PIK3C2G: variants seen among roughly 807,000 people sequenced by gnomAD.
PIK3C2G encodes phosphatidylinositol-4-phosphate 3-kinase catalytic subunit type 2 gamma.
In PIK3C2G, 168 loss-of-function variants were observed where a neutral mutation model predicts 181.1. That is an observed-to-expected ratio of 0.93 (90% CI 0.82 to 1.05). PIK3C2G has a LOEUF of 1.05. Among genes scored for constraint, PIK3C2G ranks in the 50% least tolerant of loss-of-function variants. The pLI is 0.00. For missense variants in PIK3C2G, 1,869 were observed against 1,732.8 expected (o/e 1.08, Z -1.40); for synonymous variants, 573 against 592.2 (o/e 0.97, Z 0.47).
At chr12:18,605,807 C>T (rs537048096) in intron 30 of PIK3C2G, among the ~76,000 whole-genome samples, 96 of 152,118 alleles carry the variant, frequency 6.3e-4, no homozygotes, top group Non-Finnish European at 1.3e-3. Context: ...ATGTTGTAGC[C>T]GCCTTTCTTG....
At chr12:18,546,230 A>C (rs1944413848) in intron 25 of PIK3C2G, 93 bp from the exon 26 acceptor site, 1 of 753,076 alleles carries the variant, frequency 1.3e-6, no homozygotes, top group African/African-American at 1.7e-5. Context: ...ACTTGGGTCT[A>C]GATGTCTCTG....
At chr12:18,644,029 C>T (rs540715374) in intron 32 of PIK3C2G, among the ~76,000 whole-genome samples, 1 of 152,122 alleles carries the variant, frequency 6.6e-6, no homozygotes, top group Non-Finnish European at 1.5e-5. Flanking sequence ...TTCCTATCCT[C>T]CTTTCTCCTT....
chr12:18,661,610 C>A, the PIK3C2G span, among the ~76,000 whole-genome samples: 1 of 152,074 alleles, frequency 6.6e-6, no homozygotes, highest in East Asian at 1.9e-4. Flanking sequence ...CCATCTCACA[C>A]CAGTCAGAAT....
intron 26 of PIK3C2G, among the ~76,000 whole-genome samples, chr12:18,557,709 A>G (rs1013757566): frequency 1.3e-5 from 2 of 152,278 alleles, no homozygotes; most frequent in African/African-American, 2.4e-5. Flanking sequence ...AAATTTCAAA[A>G]GAATATGCAT....
chr12:18,660,424 A>G, the PIK3C2G span, among the ~76,000 whole-genome samples: 4 of 152,126 alleles, frequency 2.6e-5, no homozygotes, highest in African/African-American at 9.7e-5. Context: ...AGCTGAAGTG[A>G]GATCCAGGGG....
chr12:18,622,002 C>T (rs12302602), intron 31 of PIK3C2G, among the ~76,000 whole-genome samples: 8,705 of 151,698 alleles, frequency 0.057, 721 homozygotes, highest in African/African-American at 0.19. Flanking sequence ...TTTAATACAA[C>T]GTGGAATGAT....
the PIK3C2G span, among the ~76,000 whole-genome samples, chr12:18,697,847 T>G: frequency 6.6e-6 from 1 of 151,540 alleles, no homozygotes; most frequent in Non-Finnish European, 1.5e-5. Context: ...ATTGGCATCC[T>G]TGAAGTTAAA....
intron 12 of PIK3C2G, among the ~76,000 whole-genome samples, chr12:18,366,291 C>T (rs1185719204): frequency 6.6e-6 from 1 of 152,132 alleles, no homozygotes; most frequent in Non-Finnish European, 1.5e-5. Context: ...TCCTGTGATC[C>T]CAGCACTTTG....
At chr12:18,429,755 A>G (rs1438260332) in intron 18 of PIK3C2G, among the ~76,000 whole-genome samples, 1 of 152,184 alleles carries the variant, frequency 6.6e-6, no homozygotes. Flanking sequence ...TTTCACACAC[A>G]GTACTGGAAA....
intron 11 of PIK3C2G, among the ~76,000 whole-genome samples, chr12:18,356,499 A>C (rs1940746580): frequency 6.6e-6 from 1 of 152,076 alleles, no homozygotes; most frequent in Non-Finnish European, 1.5e-5. Context: ...GTTACAGTAC[A>C]CTTTTAGCTT....
At chr12:18,690,187 G>A in the PIK3C2G span, among the ~76,000 whole-genome samples, 1 of 152,106 alleles carries the variant, frequency 6.6e-6, no homozygotes, top group African/African-American at 2.4e-5. Flanking sequence ...GCACAAATAA[G>A]GTGGAACAAA....
intron 23 of PIK3C2G, 92 bp from the exon 24 acceptor site, chr12:18,505,200 C>A: frequency 1.8e-6 from 2 of 1,094,514 alleles, no homozygotes; most frequent in South Asian, 1.8e-5. Flanking sequence ...TGTAATTTTG[C>A]TTATCATTTA....
intron 18 of PIK3C2G, among the ~76,000 whole-genome samples, chr12:18,465,766 C>T (rs1255477789): frequency 6.6e-6 from 1 of 151,678 alleles, no homozygotes; most frequent in Non-Finnish European, 1.5e-5. Flanking sequence ...ATTTATTCTG[C>T]ATGGAAGTTG....
At chr12:18,313,679 T>C (rs1950733311) in intron 5 of PIK3C2G, among the ~76,000 whole-genome samples, 1 of 152,144 alleles carries the variant, frequency 6.6e-6, no homozygotes, top group South Asian at 2.1e-4. Context: ...AGGTGTCTAA[T>C]CATTTAATCA....
At chr12:18,583,704 T>C (rs922825724) in intron 29 of PIK3C2G, among the ~76,000 whole-genome samples, 2 of 151,998 alleles carry the variant, frequency 1.3e-5, no homozygotes, top group African/African-American at 4.8e-5. Context: ...ACAACTACCC[T>C]TCCCCTGCCT....
Position 18,503,296 on chromosome 12 carries a change from T to C in PIK3C2G, c.3032T>C (p.Val1011Ala), listed in dbSNP as rs2136112615. ...TGKDQGLVQM[V>A]PDAVTLAKIH... ...TCTCTACCAGGATTGGTGCAGATGG[T>C]ACCTGATGCTGTGACCCTAGCAAAG... Residue 1011 changes from valine (V) to alanine (A), a missense_variant, in exon 23 of 33, where the codon GTA becomes GCA. Physicochemically the swap from Val to Ala is moderately conservative, Grantham distance 64 (BLOSUM62 0). Transcript: ENST00000538779. The C allele has an allele frequency of 2.5e-6, 4 of 1,609,358 alleles. No homozygotes were observed. Among genetic ancestry groups the C allele is most frequent in the East Asian group, 4.5e-5 (2 of 44,734 alleles).
chr12:18,253,018 C>T (rs967910365), intron 1 of PIK3C2G, among the ~76,000 whole-genome samples: 8 of 152,082 alleles, frequency 5.3e-5, no homozygotes, highest in South Asian at 4.1e-4. Context: ...TGTTCCATAT[C>T]CTGACAAGAT....
intron 1 of PIK3C2G, among the ~76,000 whole-genome samples, chr12:18,268,810 C>T (rs1460434602): frequency 6.6e-6 from 1 of 152,192 alleles, no homozygotes; most frequent in Non-Finnish European, 1.5e-5. Context: ...GTTTTACCTA[C>T]ATTTGCCTTC....
At chr12:18,364,993 T>G (rs1298420161) in intron 12 of PIK3C2G, among the ~76,000 whole-genome samples, 1 of 152,212 alleles carries the variant, frequency 6.6e-6, no homozygotes, top group Non-Finnish European at 1.5e-5. Context: ...AACATCAGAT[T>G]TATTTTCAAC....
Sources: gnomAD v4.1 joint callset for allele counts (sites outside exome capture counted in the v4.1 genomes callset) on GRCh38, gnomAD v4.1.1 for gene constraint, MANE v1.5 for transcripts, NCBI Gene and HGNC (gene_info 2026-07-23, HGNC 2026-07-21) for gene names.